The following GRM7 variants were observed in gnomAD, a reference collection of about 807,000 sequenced individuals.
GRM7 encodes metabotropic glutamate receptor 7.
Under a neutral mutation model 84.5 loss-of-function variants are expected in GRM7, and 35 were observed. The ratio of observed to expected loss-of-function variants is 0.41; its 90% CI spans 0.32 to 0.55. The LOEUF (loss-of-function observed/expected upper bound fraction) is 0.55, where lower values mean the gene tolerates loss of function less well. Among genes scored for constraint, GRM7 ranks in the 20% least tolerant of loss-of-function variants. The pLI is 0.19. For synonymous variants in GRM7, 487 were observed against 455.1 expected (o/e 1.07, Z -0.89); for missense variants, 1,003 against 1,194.6 (o/e 0.84, Z 2.36).
At chr3:6,945,704 C>T (rs1249662804) in intron 1 of GRM7, among the ~76,000 whole-genome samples, 1 of 152,148 alleles carries the variant, frequency 6.6e-6, no homozygotes, top group East Asian at 1.9e-4. Context: ...TCCTATTTCT[C>T]CACATCCTCT....
chr3:7,143,228 T>C (rs991893053), intron 1 of GRM7, among the ~76,000 whole-genome samples: 1 of 152,138 alleles, frequency 6.6e-6, no homozygotes, highest in African/African-American at 2.4e-5. Flanking sequence ...ATAATAACTA[T>C]GTAGGCTTTA....
At chr3:7,080,037 C>A (rs996402938) in intron 1 of GRM7, among the ~76,000 whole-genome samples, 1 of 152,102 alleles carries the variant, frequency 6.6e-6, no homozygotes, top group Non-Finnish European at 1.5e-5. Flanking sequence ...CTCAGTACAG[C>A]CAACCTTTTA....
intron 3 of GRM7, among the ~76,000 whole-genome samples, chr3:7,304,759 A>T (rs17047065): frequency 0.47 from 72,011 of 151,950 alleles, 18,748 homozygotes; most frequent in Non-Finnish European, 0.6. Flanking sequence ...TTTTCGTATC[A>T]TGTTCTTGAT....
At chr3:7,592,965 G>A (rs1008454223) in intron 8 of GRM7, among the ~76,000 whole-genome samples, 7 of 152,268 alleles carry the variant, frequency 4.6e-5, no homozygotes, top group Admixed American at 2.6e-4. Context: ...GAAGACCCGA[G>A]TGGACTGGTA....
intron 2 of GRM7, among the ~76,000 whole-genome samples, chr3:7,256,081 C>T (rs1698185219): frequency 6.6e-6 from 1 of 152,176 alleles, no homozygotes; most frequent in South Asian, 2.1e-4. Context: ...TTTTTGTCCA[C>T]ATACCACACT....
At chr3:6,882,488 A>G (rs995893795) in intron 1 of GRM7, among the ~76,000 whole-genome samples, 2 of 152,116 alleles carry the variant, frequency 1.3e-5, no homozygotes, top group African/African-American at 4.8e-5. Context: ...CCAGGCTGCC[A>G]TGGGCTATAG....
intron 2 of GRM7, among the ~76,000 whole-genome samples, chr3:7,255,097 T>C (rs7634262): frequency 0.87 from 131,900 of 152,212 alleles, 57,258 homozygotes; most frequent in East Asian, 0.98. Context: ...GGTTTTGTTC[T>C]TTATACAGGA....
intron 1 of GRM7, among the ~76,000 whole-genome samples, chr3:7,109,360 A>G (rs892215384): frequency 3.3e-5 from 5 of 152,168 alleles, no homozygotes; most frequent in South Asian, 2.1e-4. Flanking sequence ...TAATGTTTCT[A>G]TAAGACTATA....
intron 5 of GRM7, among the ~76,000 whole-genome samples, chr3:7,436,440 C>T (rs1697059570): frequency 6.6e-6 from 1 of 152,050 alleles, no homozygotes; most frequent in African/African-American, 2.4e-5. Flanking sequence ...AATTTAAAAG[C>T]CATTCTTAGT....
intron 3 of GRM7, among the ~76,000 whole-genome samples, chr3:7,302,931 AT>A (rs761399796): frequency 8.4e-4 from 102 of 121,870 alleles, no homozygotes; most frequent in African/African-American, 2.8e-3. Context: ...TGATTGTTCT[AT>A]TTTTTTTTTT....
intron 7 of GRM7, among the ~76,000 whole-genome samples, chr3:7,461,955 C>T (rs1338540497): frequency 6.6e-6 from 1 of 152,086 alleles, no homozygotes; most frequent in African/African-American, 2.4e-5. Context: ...CGAATTATCT[C>T]ATTTAATCTG....
intron 1 of GRM7, among the ~76,000 whole-genome samples, chr3:6,949,122 C>T (rs1692585346): frequency 6.6e-6 from 1 of 152,068 alleles, no homozygotes; most frequent in African/African-American, 2.4e-5. Context: ...TTATTTTGCT[C>T]ATTAGTTGAT....
intron 6 of GRM7, among the ~76,000 whole-genome samples, chr3:7,454,330 A>C (rs1697915723): frequency 6.6e-6 from 1 of 152,136 alleles, no homozygotes; most frequent in Non-Finnish European, 1.5e-5. Context: ...CACTCTGATA[A>C]TGTCTGTTTG....
At chr3:7,618,016 A>G (rs1241345772) in intron 8 of GRM7, among the ~76,000 whole-genome samples, 1 of 152,116 alleles carries the variant, frequency 6.6e-6, no homozygotes, top group African/African-American at 2.4e-5. Context: ...GTTTTCATAC[A>G]CAGTTGGAGG....
chr3:7,560,320 C>T (rs1004690492), intron 7 of GRM7: 5 of 152,068 alleles, frequency 3.3e-5, no homozygotes, highest in African/African-American at 9.7e-5. Context: ...CCCATATCCT[C>T]CTCACTCCCG....
At chr3:7,679,904 T>G in intron 8 of GRM7, 145 bp from the exon 9 acceptor site, 1 of 681,948 alleles carries the variant, frequency 1.5e-6, no homozygotes, top group Non-Finnish European at 2.5e-6. Context: ...CTGTGCAGAG[T>G]TATTGTGCTT....
At chr3:7,156,510 C>G (rs1244171505) in intron 2 of GRM7, among the ~76,000 whole-genome samples, 1 of 152,122 alleles carries the variant, frequency 6.6e-6, no homozygotes, top group Non-Finnish European at 1.5e-5. Flanking sequence ...CTCACTTTGA[C>G]CGGCTTTTGA....
intron 2 of GRM7, among the ~76,000 whole-genome samples, chr3:7,228,712 G>A (rs1697063835): frequency 3.9e-5 from 6 of 152,216 alleles, no homozygotes; most frequent in Admixed American, 3.9e-4. Flanking sequence ...TATGAGATTT[G>A]GAATCAAGTG....
intron 2 of GRM7, among the ~76,000 whole-genome samples, chr3:7,192,981 C>T (rs1409292904): frequency 6.6e-6 from 1 of 152,150 alleles, no homozygotes; most frequent in Admixed American, 6.6e-5. Context: ...CATTCCTCCC[C>T]TTCAATGCCT....
Sources: gnomAD v4.1 joint callset for allele counts (sites outside exome capture counted in the v4.1 genomes callset) on GRCh38, gnomAD v4.1.1 for gene constraint, MANE v1.5 for transcripts, NCBI Gene and HGNC (gene_info 2026-07-23, HGNC 2026-07-21) for gene names.